FREM1: variants seen among roughly 807,000 people sequenced by gnomAD.
The protein encoded by FREM1 is FRAS1-related extracellular matrix protein 1.
In FREM1, 220 loss-of-function variants were observed where a neutral mutation model predicts 210.1. That is an observed-to-expected ratio of 1.05 (90% CI 0.94 to 1.17). The LOEUF is 1.17. Ranked by LOEUF, FREM1 falls within the 50% of genes most tolerant of loss-of-function variation. FREM1 has a pLI of 0.00. For missense variants in FREM1, 3,454 were observed against 2,675.5 expected (o/e 1.29, Z -6.42); for synonymous variants, 1,189 against 980.2 (o/e 1.21, Z -3.98).
intron 22 of FREM1, among the ~76,000 whole-genome samples, chr9:14,792,272 G>GCGCACACACACACACACACACA (rs1472365300): frequency 7.0e-6 from 1 of 142,244 alleles, no homozygotes; most frequent in African/African-American, 2.7e-5. Context: ...ACACACACAC[G>GCGCACACACACACACACACACA]CACACACACA....
rs1847163398 is a variant in FREM1, at chr9:14,769,661, C to T, written c.5204+63G>A. On this transcript the variant is annotated intron_variant, in intron 27 of 36. Coordinates refer to ENST00000380880, the MANE Select transcript of FREM1 (RefSeq NM_001379081.2). ...TGTTTTAAAAAGAACATTTCACTTT[C>T]CTAATATTCAGATACATTATGGATG... 3.3e-6 allele frequency: 5 copies of T among 1,500,266 alleles called. 1 individual carries two copies. The South Asian group carries it at 5.2e-5, about 16-fold the overall frequency. The allele number at this position is 1,500,266 out of a possible 1,614,324, so 92.9% of individuals were successfully genotyped here.
chr9:14,803,974 G>A (rs1817843610), intron 19 of FREM1, among the ~76,000 whole-genome samples: 1 of 152,056 alleles, frequency 6.6e-6, no homozygotes, highest in South Asian at 2.1e-4. Context: ...TAAAACGTGT[G>A]GTTGTTTCTT....
intron 15 of FREM1, among the ~76,000 whole-genome samples, chr9:14,814,389 C>T (rs1263555813): frequency 2.0e-5 from 3 of 152,100 alleles, no homozygotes; most frequent in Non-Finnish European, 4.4e-5. Context: ...GCAAAGAAAG[C>T]ACTTATTAAA....
intron 27 of FREM1, among the ~76,000 whole-genome samples, chr9:14,760,695 T>C (rs907354883): frequency 1.1e-4 from 16 of 152,150 alleles, no homozygotes; most frequent in Non-Finnish European, 1.8e-4. Flanking sequence ...ACAAAGCTAA[T>C]AGCAGAGATG....
In FREM1 at chr9:14,771,381, T is replaced by C. The variant is rs761134917; in HGVS notation, c.4858-575A>G. On this transcript the variant is annotated intron_variant, in intron 25 of 36. Transcript: ENST00000380880. ...ACCTCAGTAAGGAAAAAGTGAAAGG[T>C]GATTATTTCTAGACATTTGCATATT... is the stretch of plus-strand genomic sequence containing the variant. 1.1e-3 allele frequency among the ~76,000 whole-genome samples: 161 copies of C among 152,192 alleles called. 1 individual carries two copies. The highest frequency in any genetic ancestry group is 2.6e-3 in the Admixed American group (40 of 15,272).
intron 10 of FREM1, among the ~76,000 whole-genome samples, chr9:14,828,404 T>C (rs1822883591): frequency 6.6e-6 from 1 of 152,228 alleles, no homozygotes; most frequent in African/African-American, 2.4e-5. Flanking sequence ...CCCACCATTG[T>C]ATTTTAGAAG....
At chr9:14,896,468 G>C (rs1837738259) in intron 1 of FREM1, among the ~76,000 whole-genome samples, 2 of 150,896 alleles carry the variant, frequency 1.3e-5, no homozygotes, top group Admixed American at 6.6e-5. Flanking sequence ...TGCTTAAACT[G>C]GGGGAGACAG....
At position 14,842,421 on chromosome 9, in the gene FREM1, GCATGGATC is replaced by G. The variant is rs1564054522; in HGVS notation, c.1625_1632del (p.Gly542AlafsTer10). 1 of 1,613,956 alleles carries G rather than the reference GCATGGATC, an allele frequency of 6.2e-7. No individual in the cohort carries two copies. ...CTGGCGTCCACATCTGAAGCTCGCA[GCATGGATC>G]CCTGGATCAGGATGGTCTGCCCCTC... On this transcript the variant is annotated frameshift_variant, in exon 9 of 37. Coordinates refer to ENST00000380880, the MANE Select transcript of FREM1 (RefSeq NM_001379081.2). LOFTEE classifies it high-confidence loss of function.
intron 1 of FREM1, among the ~76,000 whole-genome samples, chr9:14,871,243 A>G (rs1338019606): frequency 6.6e-6 from 1 of 152,198 alleles, no homozygotes; most frequent in Non-Finnish European, 1.5e-5. Flanking sequence ...GACTTCCACA[A>G]TGGTTGAACT....
Position 14,848,698 on chromosome 9 carries a change from C to T in FREM1, c.1228G>A (p.Asp410Asn). 1 of 1,612,198 alleles carries T rather than the reference C, an allele frequency of 6.2e-7. No homozygotes were observed. The highest frequency in any genetic ancestry group is 8.5e-7 in the Non-Finnish European group (1 of 1,178,478). The change falls in exon 7 of 37, where the codon GAT becomes AAT. Residue 410 changes from aspartate to asparagine, a missense_variant. Physicochemically the swap from Asp to Asn is conservative, Grantham distance 23. Coordinates refer to ENST00000380880, the MANE Select transcript of FREM1 (RefSeq NM_001379081.2). ...CAGGATACACGGGGGGCATTTGTAT[C>T]TGCTGTTCTGATGGAGATGTGGACT... ...MTVHISIRTADTNAPRVSWNT... is the reference protein window; with the variant it reads ...MTVHISIRTANTNAPRVSWNT...
At chr9:14,799,771 G>C (rs1276831722) in intron 20 of FREM1, among the ~76,000 whole-genome samples, 1 of 151,952 alleles carries the variant, frequency 6.6e-6, no homozygotes, top group Non-Finnish European at 1.5e-5. Context: ...TAAAAGCTGA[G>C]AAATATATAA....
chr9:14,794,324 T>G (rs984800577), intron 21 of FREM1, among the ~76,000 whole-genome samples: 1 of 152,320 alleles, frequency 6.6e-6, no homozygotes, highest in East Asian at 1.9e-4. Flanking sequence ...CACATAGATG[T>G]GATTCAAACT....
chr9:14,885,588 G>GT (rs1490137678), intron 1 of FREM1, among the ~76,000 whole-genome samples: 2 of 152,006 alleles, frequency 1.3e-5, no homozygotes, highest in South Asian at 2.1e-4. Flanking sequence ...CTGGCTAATT[G>GT]TTTTTTAATT....
intron 23 of FREM1, among the ~76,000 whole-genome samples, chr9:14,787,943 T>C (rs577122885): frequency 6.6e-6 from 1 of 152,194 alleles, no homozygotes; most frequent in Non-Finnish European, 1.5e-5. Context: ...ATAAAATATA[T>C]TATTACACAG....
chr9:14,804,137 C>G (rs1588084527), intron 19 of FREM1, among the ~76,000 whole-genome samples: 1 of 152,226 alleles, frequency 6.6e-6, no homozygotes, highest in East Asian at 1.9e-4. Context: ...GATGGAAGCC[C>G]AGCTATCTAC....
intron 1 of FREM1, among the ~76,000 whole-genome samples, chr9:14,889,067 C>T (rs1242626528): frequency 6.6e-6 from 1 of 152,050 alleles, no homozygotes; most frequent in Non-Finnish European, 1.5e-5. Context: ...GATGGGTGTA[C>T]TATAGTTGCT....
In FREM1 at chr9:14,861,029, AC is replaced by A. The variant is rs1204380848; in HGVS notation, c.330-1546del. On this transcript the variant is annotated intron_variant, in intron 3 of 36. Coordinates refer to ENST00000380880, the MANE Select transcript of FREM1 (RefSeq NM_001379081.2). ...CATATATACATATATACACATATAT[AC>A]ATATATACATATATACATATATACA... is the stretch of plus-strand genomic sequence containing the variant. Among the ~76,000 whole-genome samples the A allele has an allele frequency of 3.1e-4, 23 of 74,046 alleles. 2 individuals are homozygous for A. Among genetic ancestry groups the A allele is most frequent in the South Asian group, 1.9e-3 (5 of 2,668 alleles). The allele number at this position is 74,046 out of a possible 152,430, so 48.6% of individuals were successfully genotyped here. A position where few individuals can be genotyped will look rare whatever the true frequency, so the allele number is the denominator to read the frequency against.
At position 14,824,881 on chromosome 9, in the gene FREM1, G is replaced by A. The variant is rs1294986260; in HGVS notation, c.1993C>T (p.Gln665Ter). 4 of 1,613,316 alleles carry A rather than the reference G, an allele frequency of 2.5e-6. No individual in the cohort carries two copies. Among genetic ancestry groups the A allele is most frequent in the South Asian group, 1.1e-5 (1 of 90,978 alleles). Reference protein sequence around the residue: ...ETEVAYITKKQLHFIDSESYD... With the variant: ...ETEVAYITKK ...GATTCTGAATCTATAAAATGTAGCT[G>A]TTTCTTAGTTATATAGGCCACCTCA... is the stretch of plus-strand genomic sequence containing the variant. Residue 665 changes from glutamine to a stop codon, truncating the protein, a stop_gained, in exon 11 of 37, where the codon CAG becomes TAG. Coordinates refer to ENST00000380880, the MANE Select transcript of FREM1 (RefSeq NM_001379081.2). LOFTEE classifies it high-confidence loss of function.
chr9:14,804,401 C>T (rs375878318), intron 19 of FREM1, among the ~76,000 whole-genome samples: 161 of 152,190 alleles, frequency 1.1e-3, no homozygotes, highest in African/African-American at 3.6e-3. Flanking sequence ...CTGGCTAACA[C>T]GGTGAAACCC....
Sources: allele counts gnomAD v4.1 joint callset (sites outside exome capture counted in the v4.1 genomes callset), GRCh38; gene constraint gnomAD v4.1.1; transcripts MANE v1.5; gene names NCBI Gene and HGNC (gene_info 2026-07-23, HGNC 2026-07-21).